The following OTUD4 variants were observed in gnomAD, a reference collection of about 807,000 sequenced individuals.
OTUD4 encodes the protein OTU domain-containing protein 4.
A neutral mutation model predicts 130.4 loss-of-function variants in OTUD4; 24 were observed. That is an observed-to-expected ratio of 0.18 (90% CI 0.13 to 0.26). OTUD4 has a LOEUF of 0.26. Among genes scored for constraint, OTUD4 ranks in the 10% least tolerant of loss-of-function variants. The pLI is 1.00. For missense variants in OTUD4, 1,031 were observed against 1,329.4 expected (o/e 0.78, Z 3.49); for synonymous variants, 420 against 472.5 (o/e 0.89, Z 1.44).
At chr4:145,176,881 G>A (rs1752454242) in intron 1 of OTUD4, among the ~76,000 whole-genome samples, 1 of 152,188 alleles carries the variant, frequency 6.6e-6, no homozygotes, top group Admixed American at 6.5e-5. Context: ...CTATTACGCT[G>A]AGATACACTG....
intron 2 of OTUD4, 64 bp from the exon 3 acceptor site, chr4:145,171,784 G>T: frequency 1.3e-6 from 1 of 788,238 alleles, no homozygotes; most frequent in Non-Finnish European, 2.3e-6. Flanking sequence ...TAACCGCTTC[G>T]CTGTGTAAAC....
rs998127309 is a variant in OTUD4 at position 145,133,882 on chromosome 4, ACTTT to A, written c.*3544_*3547del. 8 of 152,668 alleles carry A rather than the reference ACTTT, an allele frequency of 5.2e-5. No individual in the cohort carries two copies. The highest frequency in any genetic ancestry group is 1.9e-4 in the African/African-American group (8 of 41,464). 9.5% of individuals were successfully genotyped at this position (152,668 alleles called of 1,614,324 possible). A position where few individuals can be genotyped will look rare whatever the true frequency, so the allele number is the denominator to read the frequency against. On this transcript the variant is annotated 3_prime_UTR_variant, in exon 21 of 21. Transcript: ENST00000447906. ...AACACTTCAAAAGATATGTATATATACTTTTTTTTACAAGTAACATCACAAATGA... is the reference window on the plus strand; with the variant it reads ...AACACTTCAAAAGATATGTATATATATTTTTACAAGTAACATCACAAATGA...
chr4:145,155,862 A>G (rs1751257993), intron 8 of OTUD4, 74 bp downstream of exon 8: 1 of 1,311,092 alleles, frequency 7.6e-7, no homozygotes, highest in Non-Finnish European at 1.1e-6. Context: ...GAAAAAAGAA[A>G]AAAATTAAGA....
intron 11 of OTUD4, among the ~76,000 whole-genome samples, chr4:145,151,241 TATAAACATCTACTGG>T (rs1751051855): frequency 6.6e-6 from 1 of 152,188 alleles, no homozygotes; most frequent in Admixed American, 6.5e-5. Context: ...TAGAGAAACA[TATAAACATCTACTGG>T]AGAAATGGTG....
Position 145,137,066 on chromosome 4 carries a change from C to G in OTUD4, c.*364G>C. 1 of 178,448 alleles carries G rather than the reference C, an allele frequency of 5.6e-6. No individual in the cohort carries two copies. The highest frequency in any genetic ancestry group is 2.4e-5 in the African/African-American group (1 of 42,134). The allele number at this position is 178,448 out of a possible 1,614,324, so 11.1% of individuals were successfully genotyped here. ...ACTTTAGTAAACACTATAAAGCACA[C>G]ATTTCCAACATCTGAAATCAAACTT... On this transcript the variant is annotated 3_prime_UTR_variant, in exon 21 of 21. Coordinates refer to ENST00000447906, the MANE Select transcript of OTUD4 (RefSeq NM_001366057.1).
chr4:145,173,413 G>C (rs1752273077), intron 2 of OTUD4, among the ~76,000 whole-genome samples: 1 of 151,860 alleles, frequency 6.6e-6, no homozygotes, highest in South Asian at 2.1e-4. Context: ...AAATTATATG[G>C]ACTAAAAAAA....
Position 145,138,082 on chromosome 4 carries a change from T to C in OTUD4, c.2693A>G (p.Asp898Gly), listed in dbSNP as rs368466351. The C allele has an allele frequency of 1.2e-6, 2 of 1,614,086 alleles. No homozygotes were observed. The highest frequency in any genetic ancestry group is 1.7e-6 in the Non-Finnish European group (2 of 1,179,972). Residue 898 changes from aspartate (D) to glycine (G), a missense_variant, in exon 21 of 21, where the codon GAT becomes GGT. By Grantham distance (94) the Asp-to-Gly change is moderately conservative. Around this residue, in one of 3 missense-constraint regions of OTUD4, gnomAD observed 900 missense variants for 1,095.9 expected, o/e 0.82. Coordinates refer to ENST00000447906, the MANE Select transcript of OTUD4 (RefSeq NM_001366057.1). ...AACTGAACCACAATCTTTAGACAGA[T>C]CCAGATTTTCCAGAGACAGATCCAA... is the stretch of plus-strand genomic sequence containing the variant. ...GELDLSLENL[D>G]LSKDCGSVST...
At chr4:145,146,504 A>AT in intron 13 of OTUD4, 75 bp from the exon 14 acceptor site, 1 of 973,568 alleles carries the variant, frequency 1.0e-6, no homozygotes, top group Admixed American at 3.6e-5. Flanking sequence ...TTCTTGTCAA[A>AT]AAAAAAAAAC....
At position 145,135,470 on chromosome 4, in the gene OTUD4, G is replaced by A. The variant is rs1450744664; in HGVS notation, c.*1960C>T. On this transcript the variant is annotated 3_prime_UTR_variant, in exon 21 of 21. Coordinates refer to ENST00000447906, the MANE Select transcript of OTUD4 (RefSeq NM_001366057.1). ...TCAAATCTGGTGTTTGTATCAAAAT[G>A]TGATTTTCATTAAAATCAGGTAAGC... is the stretch of plus-strand genomic sequence containing the variant. 1 of 152,152 alleles carries A rather than the reference G, an allele frequency of 6.6e-6. No homozygotes were observed. Among genetic ancestry groups the A allele is most frequent in the East Asian group, 1.9e-4 (1 of 5,192 alleles). The allele number at this position is 152,152 out of a possible 1,614,324, so 9.4% of individuals were successfully genotyped here. A position where few individuals can be genotyped will look rare whatever the true frequency, so the allele number is the denominator to read the frequency against.
intron 7 of OTUD4, chr4:145,159,203 A>C (rs541390869): frequency 9.3e-7 from 1 of 1,080,498 alleles, no homozygotes; most frequent in Non-Finnish European, 1.1e-6. Context: ...AGTTAACTTT[A>C]AAATTTTACA....
At position 145,138,101 on chromosome 4, in the gene OTUD4, G is replaced by A. The variant is rs777247606; in HGVS notation, c.2674C>T (p.Leu892=). ...GACAGATCCAGATTTTCCAGAGACA[G>A]ATCCAATTCTCCTTTTTCATCAGAG... ...LPSDEKGELD[L]SLENLDLSKD... is the part of the protein sequence containing the mutation. Residue 892 remains leucine (L), a synonymous_variant, in exon 21 of 21, where the codon CTG becomes TTG. Coordinates refer to ENST00000447906, the MANE Select transcript of OTUD4 (RefSeq NM_001366057.1). The A allele has an allele frequency of 1.2e-6, 2 of 1,614,080 alleles. No homozygotes were observed. Among genetic ancestry groups the A allele is most frequent in the South Asian group, 2.2e-5 (2 of 91,086 alleles).
intron 6 of OTUD4, among the ~76,000 whole-genome samples, chr4:145,160,604 G>C (rs1228359336): frequency 2.0e-5 from 3 of 152,308 alleles, no homozygotes; most frequent in East Asian, 3.9e-4. Context: ...CTGGAGGTCA[G>C]GAGTTCAAGA....
At chr4:145,140,057 TTAAATA>T in intron 19 of OTUD4, 66 bp from the exon 20 acceptor site, 1 of 536,066 alleles carries the variant, frequency 1.9e-6, no homozygotes. Context: ...ATCATCCTCA[TTAAATA>T]TATAGTTCTA....
chr4:145,150,789 G>A lies in OTUD4; in HGVS notation c.1072+13C>T, dbSNP rs763609320. The A allele has an allele frequency of 3.7e-6, 6 of 1,608,470 alleles. No homozygotes were observed. In the South Asian group the frequency reaches 6.6e-5, roughly 18 times the overall value. On this transcript the variant is annotated intron_variant, in intron 12 of 20. Coordinates refer to ENST00000447906, the MANE Select transcript of OTUD4 (RefSeq NM_001366057.1). ...CCCAATCCCAAAGGAATGATAGCTTGATGTGCTCCTACCAGAATGGAAATT... is the reference window on the plus strand; with the variant it reads ...CCCAATCCCAAAGGAATGATAGCTTAATGTGCTCCTACCAGAATGGAAATT...
intron 5 of OTUD4, among the ~76,000 whole-genome samples, chr4:145,163,703 C>CTTTTTTT (rs11430342): frequency 1.6e-5 from 2 of 126,518 alleles, no homozygotes; most frequent in South Asian, 5.1e-4. Flanking sequence ...TAATAGGAAC[C>CTTTTTTT]TTTTTTTTTT....
chr4:145,169,380 G>C (rs928783737), intron 3 of OTUD4, among the ~76,000 whole-genome samples: 2 of 152,170 alleles, frequency 1.3e-5, no homozygotes, highest in Admixed American at 6.5e-5. Context: ...GGATAAAGAT[G>C]CTTTCTCTGA....
intron 1 of OTUD4, chr4:145,178,419 C>T (rs1231228462): frequency 1.3e-5 from 2 of 152,232 alleles, no homozygotes. Context: ...GAATTCACTT[C>T]CACCTCTTCC....
chr4:145,162,512 A>G (rs1751628137), intron 6 of OTUD4, 128 bp downstream of exon 6: 1 of 505,390 alleles, frequency 2.0e-6, no homozygotes, highest in East Asian at 3.7e-5. Flanking sequence ...AGATCACGCC[A>G]CTGCACTCCA....
intron 2 of OTUD4, among the ~76,000 whole-genome samples, chr4:145,174,074 T>C (rs1463308124): frequency 4.7e-5 from 7 of 148,734 alleles, no homozygotes; most frequent in Non-Finnish European, 1.0e-4. Context: ...GCGGCGCAAC[T>C]CGGCTCACTG....
Sources: allele counts gnomAD v4.1 joint callset (sites outside exome capture counted in the v4.1 genomes callset), GRCh38; gene constraint gnomAD v4.1.1; regional missense constraint gnomAD v4.1.1; transcripts MANE v1.5; gene names NCBI Gene and HGNC (gene_info 2026-07-23, HGNC 2026-07-21).